Variants in TELO2 observed in about 807,000 individuals in gnomAD.
TELO2 encodes the protein telomere maintenance 2, also known as telomere length regulation protein TEL2 homolog.
TELO2 carries 71 observed loss-of-function variants against 91.0 expected under a neutral mutation model. That is an observed-to-expected ratio of 0.78 (90% CI 0.64 to 0.95). TELO2 has a LOEUF of 0.95. Ranked by LOEUF, TELO2 falls within the 40% of genes least tolerant of loss-of-function variation. The pLI is 0.00. For missense variants in TELO2, 1,183 were observed against 1,141.3 expected, an observed-to-expected ratio of 1.04 and a Z score of -0.53; for synonymous variants, 584 against 518.9, an observed-to-expected ratio of 1.13 and a Z score of -1.71.
At chr16:1,502,909 A>G (rs1312078702) in intron 14 of TELO2, 22 bp from the exon 15 acceptor site, 1 of 1,609,516 alleles carries the variant, frequency 6.2e-7, no homozygotes, top group Non-Finnish European at 8.5e-7. Flanking sequence ...GGACCACAGC[A>G]GCCTCTCCCC....
chr16:1,507,370 C>T lies in TELO2; in HGVS notation c.2291C>T (p.Ala764Val), dbSNP rs373396722. The change falls in exon 19 of 21, where the codon GCC becomes GTC. Residue 764 changes from alanine (A) to valine (V), a missense_variant and splice_region_variant. Transcript: ENST00000262319. ...FVWALRFHID[A>V]YVRQGLLSAV... Reference sequence around the variant, plus strand: ...TGGGCCCTTCGCTTCCACATCGATGCGTGAGTGGCCTGTGGGGCTGGGCCA... The same window carrying T: ...TGGGCCCTTCGCTTCCACATCGATGTGTGAGTGGCCTGTGGGGCTGGGCCA... The T allele has an allele frequency of 1.2e-5, 20 of 1,610,308 alleles. No homozygotes were observed. Among genetic ancestry groups the T allele is most frequent in the East Asian group, 4.5e-5 (2 of 44,882 alleles).
rs1254247605 is a variant in TELO2 at position 1,506,771 on chromosome 16, C to T, written c.2127-181C>T. On this transcript the variant is annotated intron_variant, in intron 17 of 20. Coordinates refer to ENST00000262319, the MANE Select transcript of TELO2 (RefSeq NM_016111.4). ...CTGGCCCAGGTGGACTTGTGCCAGA[C>T]AGCCCTGCAGGGGGAGTAGGCACCC... is the stretch of plus-strand genomic sequence containing the variant. 4 of 1,408,710 alleles carry T rather than the reference C, an allele frequency of 2.8e-6. No individual in the cohort carries two copies. The African/African-American group carries it at 4.3e-5, about 15-fold the overall frequency. The allele number at this position is 1,408,710 out of a possible 1,614,324, so 87.3% of individuals were successfully genotyped here.
intron 15 of TELO2, among the ~76,000 whole-genome samples, chr16:1,504,873 C>T (rs1222288001): frequency 1.3e-5 from 2 of 149,136 alleles, no homozygotes; most frequent in Admixed American, 6.8e-5. Flanking sequence ...GTCACGCAGC[C>T]GCCTCTGTCT....
rs1383161595 is a variant in TELO2 at position 1,500,632 on chromosome 16, TG to T, written c.1217del (p.Gly406AlafsTer2). The part of the protein sequence containing the change: ...LDSSLPPVRR[L>X]GMIVAEVVSA... ...AGTAGCCTGCCCCCCGTGCGACGCC[TG>T]GGCATGATCGTGGCAGAGGTCGTTA... On this transcript the variant is annotated frameshift_variant, in exon 9 of 21. Transcript: ENST00000262319. LOFTEE classifies it high-confidence loss of function. The T allele has an allele frequency of 6.2e-7, 1 of 1,612,404 alleles. No homozygotes were observed. The highest frequency in any genetic ancestry group is 1.1e-5 in the South Asian group (1 of 91,074).
At chr16:1,495,244 G>A (rs2039435976) in intron 2 of TELO2, 102 bp from the exon 3 acceptor site, 1 of 1,438,662 alleles carries the variant, frequency 7.0e-7, no homozygotes, top group Non-Finnish European at 9.2e-7. Context: ...TGGTTATGTT[G>A]TTGGGGCTGC....
At position 1,499,265 on chromosome 16, in the gene TELO2, G is replaced by A; in HGVS notation, c.865G>A (p.Val289Met). The A allele has an allele frequency of 6.2e-7, 1 of 1,614,098 alleles. No homozygotes were observed. Among genetic ancestry groups the A allele is most frequent in the Non-Finnish European group, 8.5e-7 (1 of 1,180,014 alleles). Residue 289 changes from valine to methionine, a missense_variant, in exon 6 of 21, where the codon GTG (valine) becomes ATG (methionine). Transcript: ENST00000262319. Reference protein sequence around the residue: ...EVLSRLLGNLVVKNKKAQFVM... With the variant: ...EVLSRLLGNLMVKNKKAQFVM... ...CCTTTCGAGACTGCTGGGGAACCTG[G>A]TGGTGAAGAACAAGAAGGCCCAGTT...
chr16:1,499,204 G>T (rs773172247), intron 5 of TELO2, 27 bp from the exon 6 acceptor site: 1 of 1,611,750 alleles, frequency 6.2e-7, no homozygotes, highest in Admixed American at 1.7e-5. Flanking sequence ...CCGGCTTGCA[G>T]CTCTGGCCCC....
chr16:1,508,942 G>C (rs1463793044), intron 20 of TELO2, among the ~76,000 whole-genome samples: 2 of 152,206 alleles, frequency 1.3e-5, no homozygotes, highest in African/African-American at 4.8e-5. Flanking sequence ...CTTTCAAGGG[G>C]GGTGAGGCCC....
chr16:1,507,521 G>A (rs2039940531), intron 19 of TELO2, 80 bp from the exon 20 acceptor site: 1 of 1,487,222 alleles, frequency 6.7e-7, no homozygotes, highest in East Asian at 2.4e-5. Flanking sequence ...CCGCAGCGTG[G>A]GTGGTCTGCC....
rs1000496764 is a variant in TELO2, at chr16:1,499,143, C to T, written c.831-88C>T. The T allele has an allele frequency of 1.8e-5, 25 of 1,385,278 alleles. No individual in the cohort carries two copies. In the Admixed American group the frequency reaches 2.8e-4, roughly 15 times the overall value. The allele number at this position is 1,385,278 out of a possible 1,614,324, so 85.8% of individuals were successfully genotyped here. ...GGAATTGGCAGGCCGGGAGTCAGGCCGCCGTCTGTGGGCATCGGAGTTCAC... is the reference window on the plus strand; with the variant it reads ...GGAATTGGCAGGCCGGGAGTCAGGCTGCCGTCTGTGGGCATCGGAGTTCAC... On this transcript the variant is annotated intron_variant, in intron 5 of 20. Transcript: ENST00000262319.
intron 15 of TELO2, 48 bp downstream of exon 15, chr16:1,503,050 C>T (rs71385703): frequency 4.4e-6 from 7 of 1,599,650 alleles, no homozygotes; most frequent in South Asian, 3.3e-5. Context: ...CCAAGCTGCC[C>T]TAAGGTGGGG....
At chr16:1,502,790 A>G (rs368802473) in intron 14 of TELO2, 29 bp downstream of exon 14, 98 of 1,608,398 alleles carry the variant, frequency 6.1e-5, no homozygotes, top group Non-Finnish European at 7.9e-5. Context: ...GGCCCTGGCC[A>G]GTGCAGGCAC....
rs2235624 is a variant in TELO2 at position 1,495,447 on chromosome 16, A to G, written c.437A>G (p.Gln146Arg). The change falls in exon 3 of 21, where the codon CAG (glutamine) becomes CGG (arginine). Residue 146 changes from glutamine (Q) to arginine (R), a missense_variant. Transcript: ENST00000262319. ...LMEAQCRQQT[Q>R]PGFILLRETL... Reference sequence around the variant, plus strand: ...GAGGCGCAGTGTCGGCAGCAGACGCAGCCCGGCTTCATCCTGCTCCGGGAG... The same window carrying G: ...GAGGCGCAGTGTCGGCAGCAGACGCGGCCCGGCTTCATCCTGCTCCGGGAG... 0.59 allele frequency: 941,591 copies of G among 1,603,836 alleles called. 282,641 individuals are homozygous for G. Among genetic ancestry groups the G allele is most frequent in the Admixed American group, 0.69 (40,597 of 59,022 alleles).
In TELO2 at chr16:1,497,781, C is replaced by T. The variant is rs930599912; in HGVS notation, c.830+273C>T. 2.0e-4 allele frequency among the ~76,000 whole-genome samples: 31 copies of T among 152,304 alleles called. No individual in the cohort carries two copies. The highest frequency in any genetic ancestry group is 7.0e-4 in the African/African-American group (29 of 41,556). On this transcript the variant is annotated intron_variant, in intron 5 of 20. Transcript: ENST00000262319. The surrounding 1 kb of genome is among the most constrained non-coding windows in gnomAD (Gnocchi z 4.0). ...TACCTTGGGCCGTCCACCCGTCCTG[C>T]GCCTGTGGTCCCCCTCGCACACGTG...
Position 1,507,812 on chromosome 16 carries a change from G to T in TELO2, c.2407+96G>T, listed in dbSNP as rs1239741709. On this transcript the variant is annotated intron_variant, in intron 20 of 20. Coordinates refer to ENST00000262319, the MANE Select transcript of TELO2 (RefSeq NM_016111.4). ...TGTGTGAGAGATGTGTCGGCCCGGG[G>T]TGTGTGTGTGTGTGTGTGTGATGTG... 52 of 353,280 alleles carry T rather than the reference G, an allele frequency of 1.5e-4. 3 individuals carry two copies. Among genetic ancestry groups the T allele is most frequent in the Non-Finnish European group, 1.8e-4 (44 of 251,218 alleles). 21.9% of individuals were successfully genotyped at this position (353,280 alleles called of 1,614,324 possible).
In TELO2 at chr16:1,494,231, G is replaced by T; in HGVS notation, c.-36-15G>T. ...ATTTCCGTGCCCCAAGCTGAGCCCTGTGTCCATGTCACAGGTCGTCTTCCC... is the reference window on the plus strand; with the variant it reads ...ATTTCCGTGCCCCAAGCTGAGCCCTTTGTCCATGTCACAGGTCGTCTTCCC... On this transcript the variant is annotated splice_polypyrimidine_tract_variant and intron_variant, in intron 1 of 20. Coordinates refer to ENST00000262319, the MANE Select transcript of TELO2 (RefSeq NM_016111.4). This position sits in a 1 kb window ranked among gnomAD's most constrained non-coding sequence, Gnocchi z 5.6. 6.4e-7 allele frequency: 1 copy of T among 1,557,594 alleles called. No homozygotes were observed.
chr16:1,502,598 GGGC>G (rs1187452164), intron 13 of TELO2, 44 bp from the exon 14 acceptor site: 7 of 1,589,872 alleles, frequency 4.4e-6, no homozygotes, highest in Non-Finnish European at 5.1e-6. Flanking sequence ...AGGCCTCGGC[GGGC>G]AGCTGGGTCC....
In TELO2 at chr16:1,506,585, C is replaced by G; in HGVS notation, c.2126+256C>G. 2.1e-6 allele frequency: 3 copies of G among 1,404,914 alleles called. No homozygotes were observed. The East Asian group carries it at 8.0e-5, about 37-fold the overall frequency. The allele number at this position is 1,404,914 out of a possible 1,614,324, so 87.0% of individuals were successfully genotyped here. The stretch of plus-strand genomic sequence containing the variant: ...GGCATGGCCGGCAGTGCCGCCCGCA[C>G]GTGCCCGACGCCATCACCTGCTGGG... On this transcript the variant is annotated intron_variant, in intron 17 of 20. Coordinates refer to ENST00000262319, the MANE Select transcript of TELO2 (RefSeq NM_016111.4).
At chr16:1,507,739 T>C in intron 20 of TELO2, 23 bp downstream of exon 20, 1 of 1,586,574 alleles carries the variant, frequency 6.3e-7, no homozygotes, top group East Asian at 2.3e-5. Context: ...CTGCGGTGTG[T>C]GTGTGAGATG....
Sources: gnomAD v4.1 joint callset for allele counts (sites outside exome capture counted in the v4.1 genomes callset) on GRCh38, gnomAD v4.1.1 for gene constraint, Gnocchi (gnomAD v3.1) non-coding constraint, MANE v1.5 for transcripts, NCBI Gene and HGNC (gene_info 2026-07-23, HGNC 2026-07-21) for gene names.